NRXN3: variants seen among roughly 807,000 people sequenced by gnomAD.
NRXN3 encodes neurexin III.
NRXN3 carries 32 observed loss-of-function variants against 137.6 expected under a neutral mutation model. The observed-to-expected ratio is 0.23, with a 90% CI of 0.18 to 0.31. The LOEUF (loss-of-function observed/expected upper bound fraction) is 0.31. Among genes scored for constraint, NRXN3 ranks in the 10% least tolerant of loss-of-function variants. The pLI is 1.00. For missense variants in NRXN3, 1,574 were observed against 2,062.5 expected, an observed-to-expected ratio of 0.76 and a Z score of 4.59; for synonymous variants, 798 against 784.5, an observed-to-expected ratio of 1.02 and a Z score of -0.29.
At chr14:78,567,039 T>G (rs753431976) in intron 4 of NRXN3, among the ~76,000 whole-genome samples, 4 of 152,246 alleles carry the variant, frequency 2.6e-5, no homozygotes, top group Non-Finnish European at 4.4e-5. Context: ...TCAGACATGA[T>G]GTATGGAGAC....
chr14:78,219,811 C>T (rs535624480), intron 1 of NRXN3, among the ~76,000 whole-genome samples: 3 of 152,066 alleles, frequency 2.0e-5, no homozygotes, highest in Non-Finnish European at 2.9e-5. Context: ...GGAAGCAGTA[C>T]GTTAGGAGAG....
At chr14:78,749,608 C>T (rs960351616) in intron 8 of NRXN3, among the ~76,000 whole-genome samples, 3 of 152,086 alleles carry the variant, frequency 2.0e-5, no homozygotes, top group Non-Finnish European at 2.9e-5. Context: ...TTAGAGCCAT[C>T]GGTTTATTTT....
intron 4 of NRXN3, among the ~76,000 whole-genome samples, chr14:78,437,393 G>C (rs1567587762): frequency 6.6e-6 from 1 of 150,920 alleles, no homozygotes; most frequent in East Asian, 1.9e-4. Context: ...CTGTTGCCCA[G>C]GCTGGAGTGC....
At chr14:78,398,429 T>TCGGGGAAAGG (rs1255524815) in intron 4 of NRXN3, among the ~76,000 whole-genome samples, 20 of 152,128 alleles carry the variant, frequency 1.3e-4, no homozygotes, top group African/African-American at 4.8e-4. Context: ...CACTTCTCTG[T>TCGGGGAAAGG]CGGGGAAAGG....
intron 1 of NRXN3, among the ~76,000 whole-genome samples, chr14:78,216,523 G>C (rs1246188769): frequency 6.6e-6 from 1 of 152,122 alleles, no homozygotes; most frequent in Admixed American, 6.5e-5. Flanking sequence ...TCTCTAGCTG[G>C]CCAGAGCCCC....
intron 15 of NRXN3, among the ~76,000 whole-genome samples, chr14:79,102,993 A>T (rs1435381106): frequency 6.6e-6 from 1 of 152,196 alleles, no homozygotes; most frequent in Non-Finnish European, 1.5e-5. Context: ...AAATAGTTGC[A>T]TTACATAGTG....
chr14:78,789,235 T>A (rs1288195828), intron 8 of NRXN3, among the ~76,000 whole-genome samples: 2 of 152,200 alleles, frequency 1.3e-5, no homozygotes, highest in Non-Finnish European at 2.9e-5. Context: ...TTCTATTGAC[T>A]AATATCTAAA....
chr14:78,438,953 A>T lies in NRXN3; in HGVS notation c.757+141093A>T, dbSNP rs141503890. ...GTGCTTGGTGTCTTTTGCCACCAGT[A>T]GAGTAATGGGGGATGGAGCCAGGGA... On this transcript the variant is annotated intron_variant, in intron 4 of 20. Coordinates refer to ENST00000335750, the MANE Select transcript of NRXN3 (RefSeq NM_001330195.2). Among the ~76,000 whole-genome samples, 614 of 152,078 alleles carry T rather than the reference A, an allele frequency of 4.0e-3. 2 individuals are homozygous for T. Among genetic ancestry groups the T allele is most frequent in the Non-Finnish European group, 6.9e-3 (471 of 68,002 alleles).
intron 19 of NRXN3, among the ~76,000 whole-genome samples, chr14:79,724,002 A>G (rs1364346197): frequency 6.6e-6 from 1 of 152,146 alleles, no homozygotes; most frequent in Non-Finnish European, 1.5e-5. Context: ...ATGTCTATAA[A>G]ATTTTACTCC....
At chr14:78,605,816 G>T (rs542794058) in intron 4 of NRXN3, among the ~76,000 whole-genome samples, 3 of 152,282 alleles carry the variant, frequency 2.0e-5, no homozygotes, top group African/African-American at 7.2e-5. Context: ...GGTGTACAAA[G>T]CTGCTACATG....
intron 19 of NRXN3, among the ~76,000 whole-genome samples, chr14:79,705,442 C>A (rs1302385877): frequency 6.6e-6 from 1 of 152,180 alleles, no homozygotes; most frequent in Non-Finnish European, 1.5e-5. Flanking sequence ...TATGCAATTG[C>A]AAGCTTAGAT....
rs1189600657 is a variant in NRXN3, at chr14:78,807,773, AAG to A, written c.2249-2541_2249-2540del. On this transcript the variant is annotated intron_variant, in intron 9 of 20. Coordinates refer to ENST00000335750, the MANE Select transcript of NRXN3 (RefSeq NM_001330195.2). ...AAAAAAAAGAAAGAAAAGAAAAAGA[AAG>A]AGAAAGAAAGAAAAAAACTTTCTAT... 8.1e-3 allele frequency among the ~76,000 whole-genome samples: 100 copies of A among 12,338 alleles called. No homozygotes were observed. In the East Asian group the frequency reaches 0.18, roughly 22 times the overall value. 8.1% of individuals were successfully genotyped at this position (12,338 alleles called of 152,430 possible).
In NRXN3 at chr14:78,579,390, T is replaced by A. The variant is rs548174682; in HGVS notation, c.758-65730T>A. On this transcript the variant is annotated intron_variant, in intron 4 of 20. Coordinates refer to ENST00000335750, the MANE Select transcript of NRXN3 (RefSeq NM_001330195.2). ...TAGGGCGAAGCTCAGCCTTCTCCAC[T>A]TCACTGGTGCTATGAAAATCACTAG... is the stretch of plus-strand genomic sequence containing the variant. 7.9e-5 allele frequency among the ~76,000 whole-genome samples: 12 copies of A among 152,346 alleles called. No individual in the cohort carries two copies. In the East Asian group the frequency reaches 2.3e-3, roughly 29 times the overall value.
rs149147759 is a variant in NRXN3, at chr14:79,026,763, G to A, written c.3262+38622G>A. 2.7e-3 allele frequency among the ~76,000 whole-genome samples: 406 copies of A among 151,784 alleles called. 4 individuals carry two copies. Among genetic ancestry groups the A allele is most frequent in the African/African-American group, 9.4e-3 (389 of 41,368 alleles). On this transcript the variant is annotated intron_variant, in intron 15 of 20. Coordinates refer to ENST00000335750, the MANE Select transcript of NRXN3 (RefSeq NM_001330195.2). ...TTAATGAGGATCAATAACAATTTGT[G>A]GGCCCATCAGCTCTACAGTCCTATC... is the stretch of plus-strand genomic sequence containing the variant.
Position 78,518,143 on chromosome 14 carries a change from T to A in NRXN3, c.758-126977T>A, listed in dbSNP as rs147550974. On this transcript the variant is annotated intron_variant, in intron 4 of 20. Coordinates refer to ENST00000335750, the MANE Select transcript of NRXN3 (RefSeq NM_001330195.2). ...CTCTCATGAGACCTTTACAGTCTAT[T>A]TGGGGAGTTAAGGCATATATGCCCA... is the stretch of plus-strand genomic sequence containing the variant. Among the ~76,000 whole-genome samples, 491 of 152,268 alleles carry A rather than the reference T, an allele frequency of 3.2e-3. 4 individuals are homozygous for A. The highest frequency in any genetic ancestry group is 0.011 in the African/African-American group (467 of 41,558).
chr14:79,810,403 T>G (rs1473200477), intron 20 of NRXN3, among the ~76,000 whole-genome samples: 1 of 152,220 alleles, frequency 6.6e-6, no homozygotes, highest in East Asian at 1.9e-4. Flanking sequence ...GAAGTGAAGA[T>G]GAAACACATC....
intron 4 of NRXN3, among the ~76,000 whole-genome samples, chr14:78,523,813 T>C: frequency 2.4e-5 from 1 of 42,220 alleles, no homozygotes; most frequent in Admixed American, 3.2e-4. Context: ...CAAGACTCTG[T>C]CTCAAAAAAA....
intron 19 of NRXN3, among the ~76,000 whole-genome samples, chr14:79,756,904 A>G (rs1188652841): frequency 2.0e-5 from 3 of 152,224 alleles, no homozygotes; most frequent in African/African-American, 7.2e-5. Context: ...GTTTTCCGAC[A>G]ATCCTTGCTT....
intron 10 of NRXN3, among the ~76,000 whole-genome samples, chr14:78,888,203 A>T (rs1246390398): frequency 6.6e-6 from 1 of 152,088 alleles, no homozygotes; most frequent in Non-Finnish European, 1.5e-5. Flanking sequence ...TTTAGGAAAC[A>T]TTGGTGAACA....
Sources: gnomAD v4.1 joint callset for allele counts (sites outside exome capture counted in the v4.1 genomes callset) on GRCh38, gnomAD v4.1.1 for gene constraint, MANE v1.5 for transcripts, NCBI Gene and HGNC (gene_info 2026-07-23, HGNC 2026-07-21) for gene names.